MIOS: variants seen among roughly 807,000 people sequenced by gnomAD.
MIOS encodes the protein meiosis regulator for oocyte development.
In MIOS, 52 loss-of-function variants were observed where a neutral mutation model predicts 96.9. The observed-to-expected ratio is 0.54, with a 90% CI of 0.43 to 0.68. MIOS has a LOEUF of 0.68. MIOS is among the 30% of genes least tolerant of loss of function. The pLI is 0.00. For missense variants in MIOS, 1,005 were observed against 1,052.8 expected, an observed-to-expected ratio of 0.95 and a Z score of 0.63; for synonymous variants, 397 against 359.5, an observed-to-expected ratio of 1.10 and a Z score of -1.18.
intron 7 of MIOS, among the ~76,000 whole-genome samples, chr7:7,586,635 A>G (rs1783895277): frequency 6.6e-6 from 1 of 152,220 alleles, no homozygotes; most frequent in African/African-American, 2.4e-5. Flanking sequence ...ATTTGTAAAA[A>G]TATGTATTTT....
chr7:7,601,544 G>C (rs1480494726), intron 11 of MIOS, among the ~76,000 whole-genome samples: 1 of 152,132 alleles, frequency 6.6e-6, no homozygotes, highest in Admixed American at 6.5e-5. Flanking sequence ...TCTCTGAATA[G>C]ACCAATAACA....
At chr7:7,585,500 C>G in intron 6 of MIOS, 136 bp from the exon 7 acceptor site, 1 of 622,218 alleles carries the variant, frequency 1.6e-6, no homozygotes, top group Non-Finnish European at 2.4e-6. Flanking sequence ...GGCAGAGCAG[C>G]CCAAAACCCT....
chr7:7,575,066 G>C (rs1156798356), intron 5 of MIOS, among the ~76,000 whole-genome samples: 3 of 152,038 alleles, frequency 2.0e-5, no homozygotes, highest in African/African-American at 7.2e-5. Flanking sequence ...TCAGTTTTCA[G>C]ATTTGGGATG....
chr7:7,589,344 T>C (rs1783981271), intron 8 of MIOS, 61 bp from the exon 9 acceptor site: 1 of 1,448,648 alleles, frequency 6.9e-7, no homozygotes, highest in East Asian at 2.3e-5. Context: ...AAATGTAGTT[T>C]TGAAGTACAA....
At chr7:7,589,314 A>T in intron 8 of MIOS, 91 bp from the exon 9 acceptor site, 1 of 1,116,120 alleles carries the variant, frequency 9.0e-7, no homozygotes, top group Non-Finnish European at 1.3e-6. Flanking sequence ...AATGTTTTCC[A>T]TTAGGAATGA....
rs371852695 is a variant in MIOS at position 7,588,499 on chromosome 7, A to G, written c.1820A>G (p.Tyr607Cys). Residue 607 changes from tyrosine (Y) to cysteine (C), a missense_variant and splice_region_variant, in exon 8 of 13, where the codon TAT (tyrosine) becomes TGT (cysteine). Around this residue, in one of 3 missense-constraint regions of MIOS, gnomAD observed 865 missense variants for 887.9 expected, o/e 0.97. Coordinates refer to ENST00000340080, the MANE Select transcript of MIOS (RefSeq NM_019005.4). ...SETGSYDGVL[Y>C]ENKVAVRDRV... is the part of the protein sequence containing the mutation. ...CCTTGCTTTTTCTCTTCTTTCCAGT[A>G]TGAAAACAAAGTTGCAGTACGTGAC... 12 of 1,574,104 alleles carry G rather than the reference A, an allele frequency of 7.6e-6. No individual in the cohort carries two copies. Among genetic ancestry groups the G allele is most frequent in the Non-Finnish European group, 9.5e-6 (11 of 1,158,226 alleles).
intron 9 of MIOS, among the ~76,000 whole-genome samples, chr7:7,593,896 G>GAA (rs1362952099): frequency 2.4e-5 from 3 of 127,572 alleles, no homozygotes; most frequent in African/African-American, 9.4e-5. Context: ...AAAAAAAAAA[G>GAA]AAAAAGAAAA....
chr7:7,578,273 A>G (rs757843700), intron 5 of MIOS, among the ~76,000 whole-genome samples: 1 of 152,232 alleles, frequency 6.6e-6, no homozygotes, highest in Non-Finnish European at 1.5e-5. Context: ...AGACCTGTAT[A>G]GCAAGTTCAC....
chr7:7,606,887 T>A, intron 12 of MIOS, 109 bp from the exon 13 acceptor site: 4 of 852,408 alleles, frequency 4.7e-6, no homozygotes, highest in Non-Finnish European at 5.5e-6. Flanking sequence ...AAAGTGTGCG[T>A]ACAGCCTGGG....
At chr7:7,605,856 AAC>A in intron 11 of MIOS, 84 bp from the exon 12 acceptor site, 1 of 1,334,946 alleles carries the variant, frequency 7.5e-7, no homozygotes, top group South Asian at 1.5e-5. Flanking sequence ...TCATATTTGG[AAC>A]ACAGTTTTAG....
Position 7,588,383 on chromosome 7 carries a change from T to G in MIOS, c.1819-115T>G, listed in dbSNP as rs1359194957. The G allele has an allele frequency of 1.2e-5, 6 of 495,504 alleles. No individual in the cohort carries two copies. In the South Asian group the frequency reaches 4.4e-4, roughly 37 times the overall value. The allele number at this position is 495,504 out of a possible 1,614,324, so 30.7% of individuals were successfully genotyped here. On this transcript the variant is annotated intron_variant, in intron 7 of 12. Transcript: ENST00000340080. ...GGCTCTGCAAGATAAATATAACTTA[T>G]TAATAAATTTGGAAATAAACATATT...
intron 11 of MIOS, among the ~76,000 whole-genome samples, chr7:7,597,471 TATATA>T (rs1784238496): frequency 3.4e-4 from 1 of 2,938 alleles, no homozygotes; most frequent in African/African-American, 2.3e-3. Flanking sequence ...AGTAAATTTA[TATATA>T]TATATATATA....
At chr7:7,597,364 T>A (rs1784233792) in intron 11 of MIOS, among the ~76,000 whole-genome samples, 1 of 147,438 alleles carries the variant, frequency 6.8e-6, no homozygotes, top group East Asian at 2.0e-4. Context: ...TAAAAAATAA[T>A]AATAAATAAG....
chr7:7,581,580 A>G (rs1284679200), intron 5 of MIOS: 1 of 152,126 alleles, frequency 6.6e-6, no homozygotes, highest in Non-Finnish European at 1.5e-5. Flanking sequence ...TAGAGGTTGG[A>G]GTGCTCTTCC....
rs558513359 is a variant in MIOS, at chr7:7,573,485, G to A, written c.1010G>A (p.Arg337Gln). The change falls in exon 4 of 13, where the codon CGA becomes CAA. Residue 337 changes from arginine to glutamine, a missense_variant. Arg to Gln is a conservative substitution (Grantham distance 43). Transcript: ENST00000340080. The surrounding 1 kb of genome is among the most constrained non-coding windows in gnomAD (Gnocchi z 5.0). ...SFAWHPTSQNRMIVVTPNRTM... is the reference protein window; with the variant it reads ...SFAWHPTSQNQMIVVTPNRTM... Reference sequence around the variant, plus strand: ...GCGTGGCATCCAACAAGTCAAAATCGAATGATAGTTGTAACTCCCAACCGA... The same window carrying A: ...GCGTGGCATCCAACAAGTCAAAATCAAATGATAGTTGTAACTCCCAACCGA... 2 of 1,614,078 alleles carry A rather than the reference G, an allele frequency of 1.2e-6. No individual in the cohort carries two copies. The highest frequency in any genetic ancestry group is 1.7e-5 in the Admixed American group (1 of 60,022).
chr7:7,582,899 G>C (rs1783775161), intron 5 of MIOS: 1 of 502,614 alleles, frequency 2.0e-6, no homozygotes, highest in Admixed American at 3.9e-5. Context: ...CTGAGCATTT[G>C]CTCTTATTTC....
intron 11 of MIOS, among the ~76,000 whole-genome samples, chr7:7,603,224 TTAAAC>T (rs1388016337): frequency 2.0e-5 from 3 of 151,638 alleles, no homozygotes; most frequent in South Asian, 2.1e-4. Context: ...TGGGATCTAA[TTAAAC>T]TAAAGAGCTT....
chr7:7,579,871 G>A (rs1011189639), intron 5 of MIOS, among the ~76,000 whole-genome samples: 12 of 152,232 alleles, frequency 7.9e-5, no homozygotes, highest in South Asian at 4.1e-4. Flanking sequence ...ACGAAATTGC[G>A]TAATGACACA....
At chr7:7,596,960 C>G (rs1200901996) in intron 11 of MIOS, among the ~76,000 whole-genome samples, 3 of 152,026 alleles carry the variant, frequency 2.0e-5, no homozygotes, top group South Asian at 4.1e-4. Flanking sequence ...TTTGAGAGGC[C>G]AGGGTGGAAG....
Sources: allele counts gnomAD v4.1 joint callset (sites outside exome capture counted in the v4.1 genomes callset), GRCh38; gene constraint gnomAD v4.1.1; regional missense constraint gnomAD v4.1.1; non-coding constraint Gnocchi (gnomAD v3.1); transcripts MANE v1.5; gene names NCBI Gene and HGNC (gene_info 2026-07-23, HGNC 2026-07-21).